Variants in EED observed in about 807,000 individuals in gnomAD.
EED encodes embryonic ectoderm development.
A neutral mutation model predicts 61.0 loss-of-function variants in EED; 9 were observed. The observed-to-expected ratio is 0.15, with a 90% CI of 0.09 to 0.26. The LOEUF is 0.26. Ranked by LOEUF, EED falls within the 10% of genes least tolerant of loss-of-function variation. EED has a pLI of 1.00. For missense variants in EED, 315 were observed against 542.3 expected (o/e 0.58, Z 4.16); for synonymous variants, 187 against 174.4 (o/e 1.07, Z -0.57).
intron 6 of EED, among the ~76,000 whole-genome samples, chr11:86,262,159 G>C (rs1176859889): frequency 2.0e-5 from 3 of 152,138 alleles, no homozygotes; most frequent in Non-Finnish European, 4.4e-5. Context: ...TGGGATTACA[G>C]GTGTGAGCCA....
intron 6 of EED, among the ~76,000 whole-genome samples, chr11:86,257,849 G>C (rs1270734640): frequency 1.3e-5 from 2 of 152,120 alleles, no homozygotes; most frequent in African/African-American, 2.4e-5. Flanking sequence ...TACTGATTTT[G>C]TGGCCAATCT....
chr11:86,257,185 TTGTGTGTGTGTGTG>T (rs71040223), intron 5 of EED, among the ~76,000 whole-genome samples: 11 of 143,470 alleles, frequency 7.7e-5, no homozygotes, highest in Middle Eastern at 3.5e-3. Flanking sequence ...AATTTTTAAT[TTGTGTGTGTGTGTG>T]TGTGTGTGTG....
rs141730453 is a variant in EED, at chr11:86,270,474, C to T, written c.966+1913C>T. Reference sequence around the variant, plus strand: ...TTCAGTCTGTAGCTTGTCATTTCATCCTCTTTAATAGGGTCTTTCACAGAG... The same window carrying T: ...TTCAGTCTGTAGCTTGTCATTTCATTCTCTTTAATAGGGTCTTTCACAGAG... On this transcript the variant is annotated intron_variant, in intron 9 of 11. Coordinates refer to ENST00000263360, the MANE Select transcript of EED (RefSeq NM_003797.5). 4.6e-3 allele frequency among the ~76,000 whole-genome samples: 691 copies of T among 151,406 alleles called. 4 individuals carry two copies. Among genetic ancestry groups the T allele is most frequent in the African/African-American group, 0.016 (654 of 41,276 alleles).
chr11:86,245,545 G>A (rs1280694094), intron 1 of EED, among the ~76,000 whole-genome samples: 1 of 151,758 alleles, frequency 6.6e-6, no homozygotes, highest in Non-Finnish European at 1.5e-5. Context: ...AGGCAAAGGA[G>A]AGTGGTTCTA....
intron 10 of EED, 152 bp downstream of exon 10, chr11:86,277,290 A>AG: frequency 1.5e-6 from 1 of 655,796 alleles, no homozygotes; most frequent in Non-Finnish European, 2.3e-6. Flanking sequence ...CATTCATCAA[A>AG]TACTTTGGTG....
intron 2 of EED, 88 bp from the exon 3 acceptor site, chr11:86,252,060 G>T: frequency 1.0e-6 from 1 of 964,160 alleles, no homozygotes; most frequent in Non-Finnish European, 1.5e-6. Flanking sequence ...ATTGCATTTT[G>T]GAAAAAAGAA....
chr11:86,266,075 G>A lies in EED; in HGVS notation c.727-8G>A, dbSNP rs10898460. On this transcript the variant is annotated splice_polypyrimidine_tract_variant and splice_region_variant and intron_variant, in intron 7 of 11. Transcript: ENST00000263360. ...AATTTATATAAAACTTTTTGGTTTT[G>A]CATACAGGATTATGATCTTTTGGGT... The A allele has an allele frequency of 0.82, 1,283,400 of 1,571,046 alleles. 526,090 individuals carry two copies. Among genetic ancestry groups the A allele is most frequent in the Non-Finnish European group, 0.84 (975,189 of 1,162,322 alleles).
intron 3 of EED, among the ~76,000 whole-genome samples, chr11:86,254,556 T>A (rs141057907): frequency 0.012 from 1,803 of 152,170 alleles, 16 homozygotes; most frequent in Non-Finnish European, 0.017. Context: ...CCTGACCTCG[T>A]GATCCACCCG....
intron 5 of EED, 108 bp downstream of exon 5, chr11:86,256,620 T>G: frequency 8.7e-7 from 1 of 1,143,412 alleles, no homozygotes; most frequent in Non-Finnish European, 1.2e-6. Context: ...ATTTCTCATT[T>G]GATTTGTACT....
chr11:86,259,079 G>C (rs1342974672), intron 6 of EED, among the ~76,000 whole-genome samples: 1 of 151,332 alleles, frequency 6.6e-6, no homozygotes, highest in Non-Finnish European at 1.5e-5. Context: ...TGTTGGCCAG[G>C]CTGGTCTCAA....
In EED at chr11:86,268,502, G is replaced by T; in HGVS notation, c.907G>T (p.Asp303Tyr). The change falls in exon 9 of 12, where the codon GAC (aspartate) becomes TAC (tyrosine). Residue 303 changes from aspartate (D) to tyrosine (Y), a missense_variant. Coordinates refer to ENST00000263360, the MANE Select transcript of EED (RefSeq NM_003797.5). ...KIHFPDFSTR[D>Y]IHRNYVDCVR... ...CCATTTTCCTGATTTTTCTACCAGAGACATACATAGGAATTATGTTGATTG... is the reference window on the plus strand; with the variant it reads ...CCATTTTCCTGATTTTTCTACCAGATACATACATAGGAATTATGTTGATTG... 6.2e-7 allele frequency: 1 copy of T among 1,609,444 alleles called. No individual in the cohort carries two copies. Among genetic ancestry groups the T allele is most frequent in the Non-Finnish European group, 8.5e-7 (1 of 1,177,674 alleles).
intron 9 of EED, among the ~76,000 whole-genome samples, chr11:86,273,006 A>G (rs926992324): frequency 6.6e-6 from 1 of 152,148 alleles, no homozygotes; most frequent in Non-Finnish European, 1.5e-5. Context: ...TTAGTCTACT[A>G]TATTATCAGC....
chr11:86,275,005 A>G (rs7931249), intron 9 of EED, among the ~76,000 whole-genome samples: 14,135 of 151,994 alleles, frequency 0.093, 1,014 homozygotes, highest in African/African-American at 0.19. Flanking sequence ...TTTTTGGTTC[A>G]TTGGCTAGAA....
chr11:86,277,534 T>G (rs1946260002), intron 10 of EED: 1 of 178,396 alleles, frequency 5.6e-6, no homozygotes, highest in South Asian at 2.0e-4. Flanking sequence ...ACCTAAAAAT[T>G]TAAATAAATC....
intron 1 of EED, among the ~76,000 whole-genome samples, chr11:86,246,635 G>A (rs769078300): frequency 1.5e-4 from 23 of 152,146 alleles, no homozygotes; most frequent in Non-Finnish European, 2.4e-4. Context: ...TTTTTCACCC[G>A]ATTGTGCGCC....
In EED at chr11:86,244,882, G is replaced by C. The variant is rs79028135; in HGVS notation, c.-348G>C. The C allele has an allele frequency of 1.1e-3, 273 of 255,632 alleles. No individual in the cohort carries two copies. Among genetic ancestry groups the C allele is most frequent in the African/African-American group, 5.6e-3 (254 of 45,672 alleles). 15.8% of individuals were successfully genotyped at this position (255,632 alleles called of 1,614,324 possible). ...TTTGAGTTTCGCCTCTTCTCGAGGC[G>C]GTGGTGGGAAGGGAGACATACTTAA... On this transcript the variant is annotated 5_prime_UTR_variant, in exon 1 of 12. Transcript: ENST00000263360.
chr11:86,259,818 A>T, intron 6 of EED, among the ~76,000 whole-genome samples: 1 of 152,232 alleles, frequency 6.6e-6, no homozygotes, highest in East Asian at 1.9e-4. Context: ...ACACCTACTT[A>T]GGGTGGCTGT....
chr11:86,245,340 G>T lies in EED; in HGVS notation c.111G>T (p.Glu37Asp). ...ENSNPDLSGDENDDAVSIESG... is the reference protein window; with the variant it reads ...ENSNPDLSGDDNDDAVSIESG... ...GCAATCCAGACCTCTCTGGAGACGA[G>T]AATGTAAGTGCAGCTTCTGGCAGTT... The change falls in exon 1 of 12, where the codon GAG becomes GAT. Residue 37 changes from glutamate to aspartate, a missense_variant. Glu to Asp is a conservative substitution (Grantham distance 45, BLOSUM62 2). Coordinates refer to ENST00000263360, the MANE Select transcript of EED (RefSeq NM_003797.5). 6.2e-7 allele frequency: 1 copy of T among 1,611,038 alleles called. No individual in the cohort carries two copies. The highest frequency in any genetic ancestry group is 2.2e-5 in the East Asian group (1 of 44,700).
intron 8 of EED, 53 bp downstream of exon 8, chr11:86,266,269 G>C: frequency 6.9e-7 from 1 of 1,457,534 alleles, no homozygotes; most frequent in South Asian, 1.5e-5. Context: ...TTGAATATAA[G>C]TTTTATTTTT....
Sources: gnomAD v4.1 joint callset for allele counts (sites outside exome capture counted in the v4.1 genomes callset) on GRCh38, gnomAD v4.1.1 for gene constraint, MANE v1.5 for transcripts, NCBI Gene and HGNC (gene_info 2026-07-23, HGNC 2026-07-21) for gene names.